The following DHRS12 variants were observed in gnomAD, a reference collection of about 807,000 sequenced individuals.
The protein encoded by DHRS12 is dehydrogenase/reductase 12.
In DHRS12, 29 loss-of-function variants were observed where a neutral mutation model predicts 32.1. The observed-to-expected ratio is 0.90, with a 90% CI of 0.67 to 1.23. The LOEUF (loss-of-function observed/expected upper bound fraction) is 1.23, where lower values mean the gene tolerates loss of function less well. DHRS12 is among the 50% of genes most tolerant of loss of function. The pLI, the probability that DHRS12 is intolerant of heterozygous loss-of-function variation, is 0.00. For missense variants in DHRS12, 330 were observed against 337.2 expected, an observed-to-expected ratio of 0.98 and a Z score of 0.17; for synonymous variants, 150 against 135.9, an observed-to-expected ratio of 1.10 and a Z score of -0.72.
intron 4 of DHRS12, among the ~76,000 whole-genome samples, chr13:51,780,219 GGACA>G (rs1203382801): frequency 3.3e-5 from 5 of 151,682 alleles, no homozygotes; most frequent in Non-Finnish European, 7.4e-5. Context: ...GAATGTCTCT[GGACA>G]GACACAGGAG....
rs1953836601 is a variant in DHRS12 at position 51,768,180 on chromosome 13, G to C, written c.*7C>G. 5.2e-6 allele frequency: 8 copies of C among 1,536,114 alleles called. No homozygotes were observed. The highest frequency in any genetic ancestry group is 7.0e-6 in the Non-Finnish European group (8 of 1,146,902). Reference sequence around the variant, plus strand: ...CAATTCTGGTACCGCACTGTGTCTGGGTTGGCCTATTTAAATGTCTGAGCC... The same window carrying C: ...CAATTCTGGTACCGCACTGTGTCTGCGTTGGCCTATTTAAATGTCTGAGCC... On this transcript the variant is annotated 3_prime_UTR_variant, in exon 9 of 9. Transcript: ENST00000444610.
intron 7 of DHRS12, chr13:51,770,965 G>A (rs550320730): frequency 1.4e-5 from 19 of 1,329,394 alleles, no homozygotes; most frequent in Non-Finnish European, 9.6e-6. Flanking sequence ...TTCTTAGGAT[G>A]AATTCCAAGG....
At chr13:51,781,593 A>C (rs1247821626) in intron 4 of DHRS12, among the ~76,000 whole-genome samples, 1 of 152,140 alleles carries the variant, frequency 6.6e-6, no homozygotes. Flanking sequence ...GTGAAGGGAC[A>C]TTTCAGCTAA....
chr13:51,769,351 C>T (rs541835038), intron 7 of DHRS12, 58 bp from the exon 8 acceptor site: 9 of 1,245,322 alleles, frequency 7.2e-6, no homozygotes, highest in East Asian at 2.9e-5. Flanking sequence ...ATGTGGTTGA[C>T]TTCCCTTAAT....
At chr13:51,801,490 CATTATT>C (rs1467205011) in intron 1 of DHRS12, among the ~76,000 whole-genome samples, 1 of 152,148 alleles carries the variant, frequency 6.6e-6, no homozygotes, top group Non-Finnish European at 1.5e-5. Flanking sequence ...ACCCAGGTGA[CATTATT>C]ATTATCACTA....
At chr13:51,759,249 T>C in the DHRS12 span, among the ~76,000 whole-genome samples, 1 of 152,164 alleles carries the variant, frequency 6.6e-6, no homozygotes, top group African/African-American at 2.4e-5. Context: ...GAAAACGAGG[T>C]ATCTTGTAAA....
At chr13:51,755,559 G>A in the DHRS12 span, 1 of 1,156,616 alleles carries the variant, frequency 8.6e-7, no homozygotes, top group Non-Finnish European at 1.3e-6. Context: ...GTTGTGGTGA[G>A]GGTAAATTAT....
At chr13:51,765,002 C>T (rs2138828252), downstream of DHRS12, 1 of 152,410 alleles carries the variant, frequency 6.6e-6, no homozygotes, top group South Asian at 2.1e-4. Context: ...CCTCCACTTC[C>T]TGCTCTTGCA....
intron 7 of DHRS12, chr13:51,770,819 C>G (rs753220217): frequency 1.3e-5 from 14 of 1,051,492 alleles, no homozygotes; most frequent in Non-Finnish European, 1.5e-5. Flanking sequence ...ATAGTGCACA[C>G]AGGGTTTTTC....
chr13:51,770,852 G>C, intron 7 of DHRS12: 1 of 1,080,714 alleles, frequency 9.3e-7, no homozygotes, highest in Non-Finnish European at 1.1e-6. Flanking sequence ...TGGCAGCAGA[G>C]TCTTCAGCCC....
At position 51,782,362 on chromosome 13, in the gene DHRS12, G is replaced by A. The variant is rs577437277; in HGVS notation, c.302-5241C>T. 1.3e-5 allele frequency among the ~76,000 whole-genome samples: 2 copies of A among 152,188 alleles called. No homozygotes were observed. The highest frequency in any genetic ancestry group is 2.9e-5 in the Non-Finnish European group (2 of 68,032). ...CATTTAAAGTCCCCGCAGACACGCTGCAGCTGGCTAAGGAGGTTGAGAAGG... is the reference window on the plus strand; with the variant it reads ...CATTTAAAGTCCCCGCAGACACGCTACAGCTGGCTAAGGAGGTTGAGAAGG... On this transcript the variant is annotated intron_variant, in intron 4 of 8. Coordinates refer to ENST00000444610, the MANE Select transcript of DHRS12 (RefSeq NM_001377533.1). The surrounding 1 kb of genome is among the most constrained non-coding windows in gnomAD (Gnocchi z 4.2).
chr13:51,789,688 G>A, intron 4 of DHRS12: 1 of 985,354 alleles, frequency 1.0e-6, no homozygotes, highest in Non-Finnish European at 1.2e-6. Context: ...AAGTTCCTTT[G>A]GTTGCAGTTT....
At chr13:51,772,138 G>A (rs1172507845) in intron 6 of DHRS12, among the ~76,000 whole-genome samples, 3 of 152,082 alleles carry the variant, frequency 2.0e-5, no homozygotes, top group South Asian at 4.1e-4. Flanking sequence ...ATGAGCTAAC[G>A]CAGCAAAACA....
chr13:51,770,716 A>G, intron 7 of DHRS12: 1 of 990,372 alleles, frequency 1.0e-6, no homozygotes, highest in South Asian at 4.4e-5. Flanking sequence ...ACAAAGCACC[A>G]ACACACACCT....
the DHRS12 span, chr13:51,758,260 G>C: frequency 1.2e-6 from 2 of 1,602,348 alleles, no homozygotes; most frequent in Non-Finnish European, 1.7e-6. Flanking sequence ...GATGCAACCA[G>C]AGGATGGTTA....
Position 51,782,604 on chromosome 13 carries a change from A to G in DHRS12, c.302-5483T>C, listed in dbSNP as rs1198027181. ...GCAGGATGCCCGGGACTCGGGGACC[A>G]TGAGAGGCTGGTGGAGGAAGTGCTG... On this transcript the variant is annotated intron_variant, in intron 4 of 8. Transcript: ENST00000444610. This position sits in a 1 kb window ranked among gnomAD's most constrained non-coding sequence, Gnocchi z 4.2. Among the ~76,000 whole-genome samples, 1 of 152,172 alleles carries G rather than the reference A, an allele frequency of 6.6e-6. No homozygotes were observed. Among genetic ancestry groups the G allele is most frequent in the African/African-American group, 2.4e-5 (1 of 41,442 alleles).
In DHRS12 at chr13:51,774,158, C is replaced by A. The variant is rs1954193199; in HGVS notation, c.364-124G>T. ...CCACAAAATTAGTGGCTTGAAGCAACACATTGTATTCTCCTACAGTATTCT... is the reference window on the plus strand; with the variant it reads ...CCACAAAATTAGTGGCTTGAAGCAAAACATTGTATTCTCCTACAGTATTCT... On this transcript the variant is annotated intron_variant, in intron 5 of 8. Transcript: ENST00000444610. The A allele has an allele frequency of 4.1e-6, 3 of 726,250 alleles. No homozygotes were observed. In the East Asian group the frequency reaches 8.1e-5, roughly 20 times the overall value. 45.0% of individuals were successfully genotyped at this position (726,250 alleles called of 1,614,324 possible). A position where few individuals can be genotyped will look rare whatever the true frequency, so the allele number is the denominator to read the frequency against.
intron 4 of DHRS12, among the ~76,000 whole-genome samples, chr13:51,777,827 G>A (rs955792289): frequency 6.6e-6 from 1 of 152,184 alleles, no homozygotes; most frequent in East Asian, 1.9e-4. Flanking sequence ...TGAATGGTGG[G>A]ATTATTGTTT....
At chr13:51,757,350 T>G in the DHRS12 span, among the ~76,000 whole-genome samples, 1 of 152,192 alleles carries the variant, frequency 6.6e-6, no homozygotes, top group Admixed American at 6.5e-5. Flanking sequence ...AGACATAGAC[T>G]TTAAGAGTTT....
Sources: gnomAD v4.1 joint callset for allele counts (sites outside exome capture counted in the v4.1 genomes callset) on GRCh38, gnomAD v4.1.1 for gene constraint, Gnocchi (gnomAD v3.1) non-coding constraint, MANE v1.5 for transcripts, NCBI Gene and HGNC (gene_info 2026-07-23, HGNC 2026-07-21) for gene names.